Variants in EIF4G3 observed in about 807,000 individuals in gnomAD.
EIF4G3 encodes the protein eukaryotic translation initiation factor 4 gamma 3, also known as eIF-4-gamma 3.
In EIF4G3, 34 loss-of-function variants were observed where a neutral mutation model predicts 186.4. The ratio of observed to expected loss-of-function variants is 0.18; its 90% CI spans 0.14 to 0.24. EIF4G3 has a LOEUF of 0.24. Ranked by LOEUF, EIF4G3 falls within the 10% of genes least tolerant of loss-of-function variation. EIF4G3 has a pLI of 1.00. For synonymous variants in EIF4G3, 673 were observed against 679.5 expected, an observed-to-expected ratio of 0.99 and a Z score of 0.15; for missense variants, 1,536 against 1,948.5, an observed-to-expected ratio of 0.79 and a Z score of 3.99.
At chr1:20,845,680 T>A (rs767591662) in intron 29 of EIF4G3, among the ~76,000 whole-genome samples, 1 of 151,536 alleles carries the variant, frequency 6.6e-6, no homozygotes, top group Non-Finnish European at 1.5e-5. Context: ...AAATAAATAA[T>A]AAATAAATAA....
At chr1:21,092,944 T>C (rs2096251010) in intron 2 of EIF4G3, among the ~76,000 whole-genome samples, 1 of 152,134 alleles carries the variant, frequency 6.6e-6, no homozygotes, top group African/African-American at 2.4e-5. Flanking sequence ...TACACAAAAA[T>C]TAATTCAAGA....
intron 12 of EIF4G3, among the ~76,000 whole-genome samples, chr1:20,950,444 A>T (rs3767249): frequency 0.093 from 14,090 of 152,130 alleles, 754 homozygotes; most frequent in East Asian, 0.16. Context: ...ACAATAGACG[A>T]CACATCTGAG....
intron 14 of EIF4G3, among the ~76,000 whole-genome samples, chr1:20,910,037 C>T (rs998624305): frequency 1.3e-5 from 2 of 152,042 alleles, no homozygotes; most frequent in Non-Finnish European, 2.9e-5. Flanking sequence ...CCTGACTTGG[C>T]CTCCCAAAGT....
Position 20,986,465 on chromosome 1 carries a change from T to C in EIF4G3, c.178-4057A>G, listed in dbSNP as rs566445231. Among the ~76,000 whole-genome samples the C allele has an allele frequency of 2.9e-4, 44 of 152,300 alleles. 2 individuals are homozygous for C. In the South Asian group the frequency reaches 8.5e-3, roughly 29 times the overall value. On this transcript the variant is annotated intron_variant, in intron 7 of 36. Transcript: ENST00000602326. ...TTTGTAGTTTGTAACTATGAAAATT[T>C]ATCTGGCTAAACAAGCCATCATTTC...
intron 14 of EIF4G3, among the ~76,000 whole-genome samples, chr1:20,933,384 T>C (rs552481212): frequency 1.3e-5 from 2 of 152,046 alleles, no homozygotes; most frequent in Non-Finnish European, 2.9e-5. Flanking sequence ...CGGCCAGGCG[T>C]GGTGGCTCAC....
chr1:21,071,168 G>A (rs983311798), intron 3 of EIF4G3, among the ~76,000 whole-genome samples: 4 of 152,168 alleles, frequency 2.6e-5, no homozygotes, highest in African/African-American at 7.2e-5. Flanking sequence ...ACCTTGAAAG[G>A]CTAAGGCAGG....
At chr1:20,973,528 T>C (rs2076287442) in intron 10 of EIF4G3, among the ~76,000 whole-genome samples, 1 of 152,186 alleles carries the variant, frequency 6.6e-6, no homozygotes, top group Non-Finnish European at 1.5e-5. Flanking sequence ...TCTTGGAAAG[T>C]AGGGGTGATC....
Position 20,894,213 on chromosome 1 carries a change from C to T in EIF4G3, c.2134-577G>A, listed in dbSNP as rs557684151. The stretch of plus-strand genomic sequence containing the variant: ...AAGCATGTAATGTGACCATGGACAA[C>T]ATAAAGTTAAGCAGATCAGTGAGAA... On this transcript the variant is annotated intron_variant, in intron 17 of 36. Coordinates refer to ENST00000602326, the MANE Select transcript of EIF4G3 (RefSeq NM_001391906.1). Among the ~76,000 whole-genome samples the T allele has an allele frequency of 2.0e-5, 3 of 152,242 alleles. No individual in the cohort carries two copies. In the South Asian group the frequency reaches 6.2e-4, roughly 32 times the overall value.
At chr1:20,961,647 G>T (rs2096572341) in intron 12 of EIF4G3, among the ~76,000 whole-genome samples, 1 of 152,006 alleles carries the variant, frequency 6.6e-6, no homozygotes, top group Non-Finnish European at 1.5e-5. Context: ...TTTAATCTAT[G>T]AAACAGCATA....
intron 20 of EIF4G3, among the ~76,000 whole-genome samples, chr1:20,871,619 T>C (rs2079210277): frequency 6.6e-6 from 1 of 152,236 alleles, no homozygotes. Context: ...TTGGAAAATG[T>C]TGTATACAGT....
chr1:20,901,947 T>C (rs1340594179), intron 15 of EIF4G3, among the ~76,000 whole-genome samples: 1 of 152,206 alleles, frequency 6.6e-6, no homozygotes, highest in Admixed American at 6.5e-5. Flanking sequence ...AAAATCAGAC[T>C]GGCAACTATG....
intron 34 of EIF4G3, 27 bp downstream of exon 34, chr1:20,817,365 T>G (rs754004544): frequency 6.8e-7 from 1 of 1,461,524 alleles, no homozygotes; most frequent in South Asian, 1.7e-5. Flanking sequence ...TGTAGAGGTA[T>G]CAGGGAAGGT....
intron 7 of EIF4G3, among the ~76,000 whole-genome samples, chr1:20,990,920 T>A (rs1006574081): frequency 1.3e-5 from 2 of 152,176 alleles, no homozygotes; most frequent in Non-Finnish European, 2.9e-5. Context: ...AGTATATAGG[T>A]CAGCCTACTA....
chr1:20,925,167 C>T (rs1452421437), intron 14 of EIF4G3, among the ~76,000 whole-genome samples: 2 of 152,126 alleles, frequency 1.3e-5, no homozygotes, highest in East Asian at 1.9e-4. Context: ...ACTATACGTA[C>T]TGTTTTACAC....
intron 3 of EIF4G3, among the ~76,000 whole-genome samples, chr1:21,053,064 T>A (rs879844404): frequency 7.6e-6 from 1 of 132,326 alleles, no homozygotes; most frequent in East Asian, 2.2e-4. Flanking sequence ...GTGAGGAGCC[T>A]CTCTGCCTGG....
intron 18 of EIF4G3, among the ~76,000 whole-genome samples, chr1:20,887,431 C>T (rs913039726): frequency 6.6e-6 from 1 of 152,092 alleles, no homozygotes; most frequent in East Asian, 1.9e-4. Flanking sequence ...GGCGATAACA[C>T]AGTCTGGGGC....
At chr1:20,895,581 T>C (rs2087688343) in intron 16 of EIF4G3, 80 bp from the exon 17 acceptor site, 1 of 1,456,098 alleles carries the variant, frequency 6.9e-7, no homozygotes, top group Admixed American at 1.9e-5. Context: ...TTTCGATCAA[T>C]AACAAACTGC....
chr1:20,813,300 A>C, intron 34 of EIF4G3, 61 bp from the exon 35 acceptor site: 424 of 1,237,520 alleles, frequency 3.4e-4, no homozygotes, highest in Non-Finnish European at 4.5e-4. Context: ...ACAGAGGCTC[A>C]TGCCTGTAAT....
At chr1:20,978,633 C>T (rs1480427247) in intron 10 of EIF4G3, among the ~76,000 whole-genome samples, 1 of 146,788 alleles carries the variant, frequency 6.8e-6, no homozygotes, top group Non-Finnish European at 1.5e-5. Flanking sequence ...CCATGCTGTA[C>T]ACGCTACATG....
Sources: allele counts gnomAD v4.1 joint callset (sites outside exome capture counted in the v4.1 genomes callset), GRCh38; gene constraint gnomAD v4.1.1; transcripts MANE v1.5; gene names NCBI Gene and HGNC (gene_info 2026-07-23, HGNC 2026-07-21).